Variants in PRPSAP2 observed in about 807,000 individuals in gnomAD.
PRPSAP2 encodes the protein phosphoribosyl pyrophosphate synthase-associated protein 2.
A neutral mutation model predicts 40.6 loss-of-function variants in PRPSAP2; 24 were observed. The observed-to-expected ratio is 0.59, with a 90% CI of 0.43 to 0.83. PRPSAP2 has a LOEUF of 0.83. Among genes scored for constraint, PRPSAP2 ranks in the 40% least tolerant of loss-of-function variants. The pLI is 0.00. For synonymous variants in PRPSAP2, 149 were observed against 164.7 expected (o/e 0.90, Z 0.73); for missense variants, 292 against 465.6 (o/e 0.63, Z 3.43).
chr17:18,930,332 T>C (rs2042197060), intron 11 of PRPSAP2, among the ~76,000 whole-genome samples: 1 of 152,156 alleles, frequency 6.6e-6, no homozygotes, highest in African/African-American at 2.4e-5. Context: ...TGAGATGGCA[T>C]CACTGCACTC....
intron 8 of PRPSAP2, chr17:18,905,043 GAC>G (rs2040494405): frequency 6.6e-6 from 1 of 152,052 alleles, no homozygotes; most frequent in South Asian, 2.1e-4. Context: ...ATTTTTTTGA[GAC>G]AGAGTCTTGC....
Position 18,930,836 on chromosome 17 carries a change from A to G in PRPSAP2, c.*138A>G, listed in dbSNP as rs2042220535. 5.6e-6 allele frequency: 4 copies of G among 719,832 alleles called. No homozygotes were observed. The South Asian group carries it at 1.6e-4, about 30-fold the overall frequency. 44.6% of individuals were successfully genotyped at this position (719,832 alleles called of 1,614,324 possible). On this transcript the variant is annotated 3_prime_UTR_variant, in exon 12 of 12. Coordinates refer to ENST00000268835, the MANE Select transcript of PRPSAP2 (RefSeq NM_002767.4). The stretch of plus-strand genomic sequence containing the variant: ...TCACTTCTTATTGATTCCTAAGAAG[A>G]TAGACCAACTTTTTATGTCGGTTTG...
chr17:18,869,963 T>A, intron 4 of PRPSAP2, among the ~76,000 whole-genome samples: 1 of 151,764 alleles, frequency 6.6e-6, no homozygotes, highest in East Asian at 1.9e-4. Context: ...TACTCCTGCC[T>A]CAGCCTCCCA....
At chr17:18,870,638 A>G (rs1477449217) in intron 4 of PRPSAP2, among the ~76,000 whole-genome samples, 1 of 151,922 alleles carries the variant, frequency 6.6e-6, no homozygotes, top group Non-Finnish European at 1.5e-5. Flanking sequence ...GCAAAACCCC[A>G]TCTTTACCAA....
At chr17:18,912,524 C>CTTAA (rs1298446600) in intron 9 of PRPSAP2, among the ~76,000 whole-genome samples, 3 of 152,136 alleles carry the variant, frequency 2.0e-5, no homozygotes, top group Non-Finnish European at 4.4e-5. Flanking sequence ...AATGTTAACT[C>CTTAA]CGGGTAAGTC....
intron 7 of PRPSAP2, among the ~76,000 whole-genome samples, chr17:18,883,052 C>T (rs1410711437): frequency 6.6e-6 from 1 of 152,130 alleles, no homozygotes; most frequent in Non-Finnish European, 1.5e-5. Flanking sequence ...ATCCCACCTC[C>T]CAGCAAGAAA....
chr17:18,901,193 T>A (rs1441217219), intron 8 of PRPSAP2, among the ~76,000 whole-genome samples: 2 of 152,198 alleles, frequency 1.3e-5, no homozygotes, highest in South Asian at 2.1e-4. Context: ...TCTTAGTCCT[T>A]TGACTAGGGA....
chr17:18,872,967 C>T (rs1046521893), intron 5 of PRPSAP2, among the ~76,000 whole-genome samples: 4 of 151,432 alleles, frequency 2.6e-5, no homozygotes, highest in Admixed American at 6.6e-5. Context: ...CTCAGCCTCC[C>T]GAGTAGCTGG....
chr17:18,915,042 TG>T (rs2041224837), intron 9 of PRPSAP2, among the ~76,000 whole-genome samples: 1 of 149,746 alleles, frequency 6.7e-6, no homozygotes. Context: ...TTTTTTTTTT[TG>T]AGACAGTGTT....
chr17:18,896,062 T>C (rs1285433726), intron 8 of PRPSAP2, among the ~76,000 whole-genome samples: 2 of 152,236 alleles, frequency 1.3e-5, no homozygotes, highest in East Asian at 1.9e-4. Context: ...TGAGCCACCA[T>C]GCCCGGCCCA....
At chr17:18,916,318 G>A (rs1353365107) in intron 9 of PRPSAP2, among the ~76,000 whole-genome samples, 1 of 151,394 alleles carries the variant, frequency 6.6e-6, no homozygotes, top group East Asian at 1.9e-4. Context: ...TCACTTCTCA[G>A]TACCAATTTC....
Position 18,867,299 on chromosome 17 carries a change from T to A in PRPSAP2, c.137T>A (p.Met46Lys), listed in dbSNP as rs376920336. The A allele has an allele frequency of 1.9e-6, 3 of 1,614,142 alleles. No individual in the cohort carries two copies. Among genetic ancestry groups the A allele is most frequent in the Non-Finnish European group, 2.5e-6 (3 of 1,180,028 alleles). ...KKIAERLGVE[M>K]GKVQVYQEPN... is the part of the protein sequence containing the mutation. Reference sequence around the variant, plus strand: ...TTCTCTAGGCGGCTAGGGGTGGAGATGGGCAAAGTGCAGGTTTACCAGGAA... The same window carrying A: ...TTCTCTAGGCGGCTAGGGGTGGAGAAGGGCAAAGTGCAGGTTTACCAGGAA... Residue 46 changes from methionine to lysine, a missense_variant, in exon 4 of 12, where the codon ATG becomes AAG. Met to Lys is a moderately conservative substitution (Grantham distance 95). Coordinates refer to ENST00000268835, the MANE Select transcript of PRPSAP2 (RefSeq NM_002767.4).
At chr17:18,871,519 T>C (rs537171120) in intron 4 of PRPSAP2, among the ~76,000 whole-genome samples, 9 of 152,342 alleles carry the variant, frequency 5.9e-5, no homozygotes, top group African/African-American at 2.2e-4. Flanking sequence ...ATTGTTTCTT[T>C]ATGACTGATC....
chr17:18,884,198 T>C (rs543349527), intron 7 of PRPSAP2, among the ~76,000 whole-genome samples: 4 of 151,930 alleles, frequency 2.6e-5, no homozygotes, highest in Non-Finnish European at 5.9e-5. Flanking sequence ...ACCTGGGAGG[T>C]GGAGGTTACA....
chr17:18,903,352 G>T (rs2040397865), intron 8 of PRPSAP2, among the ~76,000 whole-genome samples: 2 of 151,624 alleles, frequency 1.3e-5, no homozygotes, highest in Non-Finnish European at 2.9e-5. Context: ...TTAGTATGGA[G>T]ATGAGTGCTA....
intron 9 of PRPSAP2, among the ~76,000 whole-genome samples, chr17:18,922,799 A>G (rs1045061301): frequency 6.7e-6 from 1 of 148,748 alleles, no homozygotes; most frequent in Non-Finnish European, 1.5e-5. Context: ...TCAGCCCCCT[A>G]AGTAGCTGTG....
chr17:18,900,328 C>G (rs1355476714), intron 8 of PRPSAP2, among the ~76,000 whole-genome samples: 3 of 152,114 alleles, frequency 2.0e-5, no homozygotes, highest in Non-Finnish European at 2.9e-5. Context: ...GGCCTTGGGT[C>G]TTTTTTTATA....
intron 5 of PRPSAP2, among the ~76,000 whole-genome samples, chr17:18,874,670 C>G (rs2038140779): frequency 6.6e-6 from 1 of 152,234 alleles, no homozygotes; most frequent in African/African-American, 2.4e-5. Context: ...CCAGGATTCT[C>G]AGCAGAGCTG....
intron 8 of PRPSAP2, among the ~76,000 whole-genome samples, chr17:18,890,133 TTC>T (rs1414275735): frequency 6.6e-6 from 1 of 151,384 alleles, no homozygotes; most frequent in Admixed American, 6.6e-5. Flanking sequence ...CACTTACACT[TTC>T]TTTTATTTTT....
Sources: allele counts gnomAD v4.1 joint callset (sites outside exome capture counted in the v4.1 genomes callset), GRCh38; gene constraint gnomAD v4.1.1; transcripts MANE v1.5; gene names NCBI Gene and HGNC (gene_info 2026-07-23, HGNC 2026-07-21).